TBCD: variants seen among roughly 807,000 people sequenced by gnomAD.
The protein encoded by TBCD is tubulin-specific chaperone D.
In TBCD, 105 loss-of-function variants were observed where a neutral mutation model predicts 169.3. The observed-to-expected ratio is 0.62, with a 90% confidence interval of 0.53 to 0.73. TBCD has a LOEUF of 0.73. Ranked by LOEUF, TBCD falls within the 30% of genes least tolerant of loss-of-function variation. The pLI is 0.00. For synonymous variants in TBCD, 700 were observed against 643.9 expected (o/e 1.09, Z -1.32); for missense variants, 1,444 against 1,600.1 (o/e 0.90, Z 1.66).
intron 16 of TBCD, among the ~76,000 whole-genome samples, chr17:82,891,765 A>AG (rs2059153350): frequency 7.1e-6 from 1 of 140,996 alleles, no homozygotes; most frequent in African/African-American, 2.7e-5. Flanking sequence ...GGGGACACAG[A>AG]GGGGGCTGGG....
In TBCD at chr17:82,870,179, C is replaced by T. The variant is rs368968303; in HGVS notation, c.1319-45C>T. ...ACTTCTCTGAAGCCTCACGTGTTGC[C>T]CGTGTGGTCTGCTCCTCACCGTCTT... On this transcript the variant is annotated intron_variant, in intron 13 of 38. Transcript: ENST00000355528. 2.0e-5 allele frequency: 33 copies of T among 1,610,020 alleles called. No individual in the cohort carries two copies. The African/African-American group carries it at 3.6e-4, about 18-fold the overall frequency.
chr17:82,932,687 A>AC lies in TBCD; in HGVS notation c.3145dup (p.His1049ProfsTer28), dbSNP rs2062306727. On this transcript the variant is annotated frameshift_variant, in exon 34 of 39. Coordinates refer to ENST00000355528, the MANE Select transcript of TBCD (RefSeq NM_005993.5). LOFTEE classifies it high-confidence loss of function. ...TCCGTGCCGCTGCTGAAGACGCTGGACCACGTGCTCACCCACGGCTGCTTC... is the reference window on the plus strand; with the variant it reads ...TCCGTGCCGCTGCTGAAGACGCTGGACCCACGTGCTCACCCACGGCTGCTTC... The AC allele has an allele frequency of 6.2e-7, 1 of 1,613,762 alleles. No individual in the cohort carries two copies. Among genetic ancestry groups the AC allele is most frequent in the Non-Finnish European group, 8.5e-7 (1 of 1,179,870 alleles).
rs548683951 is a variant in TBCD, at chr17:82,890,526, G to C, written c.1563+829G>C. On this transcript the variant is annotated intron_variant, in intron 16 of 38. Transcript: ENST00000355528. The surrounding 1 kb of genome is among the most constrained non-coding windows in gnomAD (Gnocchi z 5.3). The stretch of plus-strand genomic sequence containing the variant: ...TCTGACCTGGAGTGGAAGCATTGAG[G>C]CCAAATGAGTCCACAGGAAAAGCCG... Among the ~76,000 whole-genome samples the C allele has an allele frequency of 6.6e-6, 1 of 152,318 alleles. No homozygotes were observed. Among genetic ancestry groups the C allele is most frequent in the African/African-American group, 2.4e-5 (1 of 41,574 alleles).
At chr17:82,793,719 C>A (rs367846446) in intron 7 of TBCD, among the ~76,000 whole-genome samples, 1 of 152,176 alleles carries the variant, frequency 6.6e-6, no homozygotes, top group Non-Finnish European at 1.5e-5. Flanking sequence ...TGTTAAAGAT[C>A]CTCTTCCGTG....
At chr17:82,845,994 G>C (rs898674215) in intron 13 of TBCD, among the ~76,000 whole-genome samples, 1 of 152,226 alleles carries the variant, frequency 6.6e-6, no homozygotes, top group African/African-American at 2.4e-5. Flanking sequence ...ATTTTGACGC[G>C]GCTGTAGGGG....
chr17:82,847,088 A>C (rs1261314736), intron 13 of TBCD, among the ~76,000 whole-genome samples: 2 of 152,104 alleles, frequency 1.3e-5, no homozygotes, highest in Admixed American at 6.5e-5. Flanking sequence ...GTGGTGGCTC[A>C]CGCCTGTAAT....
At chr17:82,918,980 G>A (rs1377741145) in intron 23 of TBCD, among the ~76,000 whole-genome samples, 1 of 152,198 alleles carries the variant, frequency 6.6e-6, no homozygotes, top group Non-Finnish European at 1.5e-5. Context: ...CTAAATGTGA[G>A]AGTAACTAAT....
At chr17:82,757,116 G>A (rs948859868) in intron 2 of TBCD, among the ~76,000 whole-genome samples, 6 of 152,214 alleles carry the variant, frequency 3.9e-5, no homozygotes, top group African/African-American at 1.4e-4. Flanking sequence ...TAGTCACCAC[G>A]TTGAGAGGGA....
At chr17:82,871,627 C>T (rs2057563971) in intron 14 of TBCD, among the ~76,000 whole-genome samples, 1 of 152,264 alleles carries the variant, frequency 6.6e-6, no homozygotes. Flanking sequence ...GAAGCTTCCA[C>T]CTGGAAGTGC....
At chr17:82,815,439 G>A (rs1030505050) in intron 13 of TBCD, among the ~76,000 whole-genome samples, 6 of 152,224 alleles carry the variant, frequency 3.9e-5, no homozygotes, top group African/African-American at 9.6e-5. Context: ...TGAGGCTCAC[G>A]CCAGCGTGAA....
Position 82,927,263 on chromosome 17 carries a change from G to A in TBCD, c.2549G>A (p.Cys850Tyr), listed in dbSNP as rs189096321. 77 of 1,614,016 alleles carry A rather than the reference G, an allele frequency of 4.8e-5. No individual in the cohort carries two copies. Among genetic ancestry groups the A allele is most frequent in the Admixed American group, 6.7e-5 (4 of 60,018 alleles). ...GGAGAGAATGTTTCCCAGATTTACTGTGCGCTGCTGGGCTGCATGGACGAC... is the reference window on the plus strand; with the variant it reads ...GGAGAGAATGTTTCCCAGATTTACTATGCGCTGCTGGGCTGCATGGACGAC... Reference protein sequence around the residue: ...VCGENVSQIYCALLGCMDDYT... With the variant: ...VCGENVSQIYYALLGCMDDYT... Residue 850 changes from cysteine (C) to tyrosine (Y), a missense_variant, in exon 29 of 39, where the codon TGT (cysteine) becomes TAT (tyrosine). Cys to Tyr is a radical substitution (Grantham distance 194). Transcript: ENST00000355528.
rs1442223359 is a variant in TBCD at position 82,929,434 on chromosome 17, G to T, written c.2925G>T (p.Leu975=). The change falls in exon 32 of 39, where the codon CTG becomes CTT. Residue 975 remains leucine, a synonymous_variant. Transcript: ENST00000355528. ...CACGCATCACCCAGCTCCTTGGGCT[G>T]CCCACCTACCGCTACCACGTCCTGC... ...AFPRITQLLG[L]PTYRYHVLLG... The T allele has an allele frequency of 1.2e-6, 2 of 1,612,278 alleles. No homozygotes were observed. Among genetic ancestry groups the T allele is most frequent in the Admixed American group, 3.3e-5 (2 of 60,012 alleles).
At chr17:82,927,550 C>T (rs1433332602) in intron 29 of TBCD, among the ~76,000 whole-genome samples, 2 of 152,186 alleles carry the variant, frequency 1.3e-5, no homozygotes, top group African/African-American at 2.4e-5. Context: ...GGGCCTGTGT[C>T]GTCCTCGTTG....
chr17:82,902,973 AGT>A, intron 18 of TBCD, among the ~76,000 whole-genome samples: 1 of 152,228 alleles, frequency 6.6e-6, no homozygotes, highest in East Asian at 1.9e-4. Flanking sequence ...GGGTGCTTTC[AGT>A]GTGTGTCTGA....
chr17:82,792,519 T>C (rs1291820515), intron 7 of TBCD, among the ~76,000 whole-genome samples: 1 of 152,236 alleles, frequency 6.6e-6, no homozygotes, highest in Non-Finnish European at 1.5e-5. Context: ...TGAAGGATGA[T>C]GCCTGTGAAT....
intron 13 of TBCD, among the ~76,000 whole-genome samples, chr17:82,828,102 C>A (rs1019008849): frequency 6.6e-6 from 1 of 150,802 alleles, no homozygotes; most frequent in Non-Finnish European, 1.5e-5. Context: ...CACACCCCCC[C>A]GCAGATATGC....
chr17:82,774,791 C>T (rs2048490040), intron 6 of TBCD, among the ~76,000 whole-genome samples: 1 of 152,174 alleles, frequency 6.6e-6, no homozygotes, highest in East Asian at 1.9e-4. Flanking sequence ...AATTGTGTAC[C>T]GTTCTGACTG....
At chr17:82,871,626 A>G (rs780855083) in intron 14 of TBCD, among the ~76,000 whole-genome samples, 1 of 152,200 alleles carries the variant, frequency 6.6e-6, no homozygotes, top group African/African-American at 2.4e-5. Flanking sequence ...TGAAGCTTCC[A>G]CCTGGAAGTG....
chr17:82,864,588 T>A lies in TBCD; in HGVS notation c.1319-5636T>A, dbSNP rs1027878964. On this transcript the variant is annotated intron_variant, in intron 13 of 38. Coordinates refer to ENST00000355528, the MANE Select transcript of TBCD (RefSeq NM_005993.5). The surrounding 1 kb of genome is among the most constrained non-coding windows in gnomAD (Gnocchi z 6.3). ...CAGAGGGTCCTTGACTCTGCGACCC[T>A]GCACAGTGGGTGGTGGCAGGTGGGA... Among the ~76,000 whole-genome samples, 1 of 152,186 alleles carries A rather than the reference T, an allele frequency of 6.6e-6. No individual in the cohort carries two copies. Among genetic ancestry groups the A allele is most frequent in the African/African-American group, 2.4e-5 (1 of 41,452 alleles).
Sources: allele counts gnomAD v4.1 joint callset (sites outside exome capture counted in the v4.1 genomes callset), GRCh38; gene constraint gnomAD v4.1.1; non-coding constraint Gnocchi (gnomAD v3.1); transcripts MANE v1.5; gene names NCBI Gene and HGNC (gene_info 2026-07-23, HGNC 2026-07-21).